Variants in TCF20 observed in about 807,000 individuals in gnomAD.
The protein encoded by TCF20 is SPRE-binding protein.
In TCF20, 3 loss-of-function variants were observed where a neutral mutation model predicts 148.6. The observed-to-expected ratio is 0.02, with a 90% CI of 0.01 to 0.05. The LOEUF is 0.05. Ranked by LOEUF, TCF20 falls within the 10% of genes least tolerant of loss-of-function variation. The pLI, the probability that TCF20 is intolerant of heterozygous loss-of-function variation, is 1.00. For synonymous variants in TCF20, 1,049 were observed against 909.5 expected (o/e 1.15, Z -2.76); for missense variants, 2,350 against 2,429.3 (o/e 0.97, Z 0.69).
Position 42,213,522 on chromosome 22 carries a change from C to T in TCF20, c.1784G>A (p.Gly595Glu), listed in dbSNP as rs1601600752. The change falls in exon 2 of 6, where the codon GGG (glycine) becomes GAG (glutamate). Residue 595 changes from glycine (G) to glutamate (E), a missense_variant. Coordinates refer to ENST00000677622, the MANE Select transcript of TCF20 (RefSeq NM_001378418.1). ...GAKDMPLSSD[G>E]NPKVNEKTVG... The stretch of plus-strand genomic sequence containing the variant: ...AGTCTTCTCATTAACCTTTGGGTTC[C>T]CGTCGGATGACAATGGCATGTCCTT... The T allele has an allele frequency of 1.2e-6, 2 of 1,614,192 alleles. No individual in the cohort carries two copies. Among genetic ancestry groups the T allele is most frequent in the East Asian group, 4.5e-5 (2 of 44,886 alleles).
intron 5 of TCF20, among the ~76,000 whole-genome samples, chr22:42,166,479 A>C (rs968363759): frequency 6.6e-6 from 1 of 152,116 alleles, no homozygotes; most frequent in African/African-American, 2.4e-5. Context: ...GTGGTGGTGC[A>C]CACCTGTAGT....
intron 1 of TCF20, among the ~76,000 whole-genome samples, chr22:42,303,307 G>A (rs911868516): frequency 2.0e-5 from 3 of 152,224 alleles, no homozygotes; most frequent in Non-Finnish European, 4.4e-5. Context: ...CACGCGTACC[G>A]AGGAGCTGAG....
intron 1 of TCF20, among the ~76,000 whole-genome samples, chr22:42,309,297 C>G (rs1042538090): frequency 6.6e-6 from 1 of 152,104 alleles, no homozygotes; most frequent in African/African-American, 2.4e-5. Flanking sequence ...GCCCTGTCAG[C>G]TGGGAGGGGA....
chr22:42,198,739 G>A (rs544534708), intron 2 of TCF20, among the ~76,000 whole-genome samples: 2 of 150,030 alleles, frequency 1.3e-5, no homozygotes, highest in South Asian at 4.2e-4. Context: ...TTGGCTCACT[G>A]CAAGCTCCGC....
chr22:42,308,580 C>T (rs778376402), intron 1 of TCF20, among the ~76,000 whole-genome samples: 15 of 152,136 alleles, frequency 9.9e-5, no homozygotes, highest in Non-Finnish European at 1.8e-4. Flanking sequence ...CTCTGCACAA[C>T]GTCCCCAGGG....
intron 1 of TCF20, among the ~76,000 whole-genome samples, chr22:42,235,808 A>C (rs571251780): frequency 1.2e-4 from 19 of 152,326 alleles, no homozygotes; most frequent in African/African-American, 4.3e-4. Context: ...GTAAGTCTGC[A>C]AACAGCTAAG....
At chr22:42,215,479 TG>T in intron 1 of TCF20, 138 bp from the exon 2 acceptor site, 2 of 1,199,956 alleles carry the variant, frequency 1.7e-6, no homozygotes, top group Non-Finnish European at 2.2e-6. Flanking sequence ...TTTTTTTTTT[TG>T]GTTTTTTGAG....
intron 4 of TCF20, 41 bp downstream of exon 4, chr22:42,169,806 G>C (rs562297743): frequency 3.4e-5 from 55 of 1,609,282 alleles, no homozygotes; most frequent in Non-Finnish European, 4.3e-5. Context: ...AGCCACCCTC[G>C]ATCCCATCCC....
At chr22:42,273,286 G>A (rs1926688557), upstream of TCF20, among the ~76,000 whole-genome samples, 2 of 148,914 alleles carry the variant, frequency 1.3e-5, no homozygotes, top group African/African-American at 5.0e-5. Context: ...CCTGAACCCT[G>A]GAGGCAAAGG....
intron 1 of TCF20, among the ~76,000 whole-genome samples, chr22:42,336,878 G>A (rs1247593873): frequency 1.3e-5 from 2 of 152,086 alleles, no homozygotes; most frequent in Non-Finnish European, 2.9e-5. Flanking sequence ...CCTGGCCAGC[G>A]GTATCCACAT....
chr22:42,200,889 A>C (rs1228660702), intron 2 of TCF20, among the ~76,000 whole-genome samples: 1 of 152,186 alleles, frequency 6.6e-6, no homozygotes, highest in Non-Finnish European at 1.5e-5. Context: ...ATGGTTTTGC[A>C]CTGCCCGTAA....
chr22:42,319,606 G>A (rs1927696071), intron 1 of TCF20, among the ~76,000 whole-genome samples: 1 of 152,200 alleles, frequency 6.6e-6, no homozygotes, highest in African/African-American at 2.4e-5. Context: ...AACGGGCAGG[G>A]TTTTCACTTC....
rs555240267 is a variant in TCF20, at chr22:42,299,190, G to T, written c.-37+44289C>A. ...CCTTTAGAAGGCACGGGAGGATGGG[G>T]GCAAGGGGGCGGTAGGCAGACAGCA... On this transcript the variant is annotated intron_variant, in intron 1 of 1. Transcript: ENST00000515426. The surrounding 1 kb of genome is among the most constrained non-coding windows in gnomAD (Gnocchi z 4.1). Among the ~76,000 whole-genome samples the T allele has an allele frequency of 6.6e-6, 1 of 152,320 alleles. No individual in the cohort carries two copies. Among genetic ancestry groups the T allele is most frequent in the Non-Finnish European group, 1.5e-5 (1 of 68,034 alleles).
chr22:42,335,084 CA>C (rs1928043079), intron 1 of TCF20, among the ~76,000 whole-genome samples: 1 of 152,158 alleles, frequency 6.6e-6, no homozygotes, highest in Non-Finnish European at 1.5e-5. Context: ...TCCACAGAGA[CA>C]TCCGAGACCA....
intron 2 of TCF20, among the ~76,000 whole-genome samples, chr22:42,198,127 T>TTA (rs1937702882): frequency 6.6e-6 from 1 of 152,310 alleles, no homozygotes; most frequent in African/African-American, 2.4e-5. Context: ...ATAAATTACA[T>TTA]TATACTCACG....
At position 42,225,620 on chromosome 22, in the gene TCF20, C is replaced by CAA. The variant is rs57952215; in HGVS notation, c.-36-10281_-36-10280dup. ...TGGGCGACAGAGCGAGACTCCGTCT[C>CAA]AAAAAAAAAAAAAAAAAAAAAATTA... On this transcript the variant is annotated intron_variant, in intron 1 of 5. Transcript: ENST00000677622. 0.019 allele frequency among the ~76,000 whole-genome samples: 1,401 copies of CAA among 74,260 alleles called. 139 individuals carry two copies. The East Asian group carries it at 0.39, about 21-fold the overall frequency. 48.7% of individuals were successfully genotyped at this position (74,260 alleles called of 152,430 possible). A position where few individuals can be genotyped will look rare whatever the true frequency, so the allele number is the denominator to read the frequency against.
At chr22:42,243,131 G>C (rs1924587110) in intron 1 of TCF20, among the ~76,000 whole-genome samples, 3 of 151,586 alleles carry the variant, frequency 2.0e-5, no homozygotes, top group Admixed American at 6.6e-5. Flanking sequence ...GCAGATGTAA[G>C]ACATTATGCA....
intron 1 of TCF20, among the ~76,000 whole-genome samples, chr22:42,231,928 C>CA (rs55642530): frequency 4.6e-4 from 57 of 123,278 alleles, no homozygotes; most frequent in Non-Finnish European, 6.6e-4. Flanking sequence ...GACTCCGTCT[C>CA]AAAAAAAAAA....
chr22:42,319,554 C>T (rs776117504), intron 1 of TCF20, among the ~76,000 whole-genome samples: 53 of 152,208 alleles, frequency 3.5e-4, no homozygotes, highest in Non-Finnish European at 7.8e-4. Context: ...TAAAATAGGA[C>T]ATTATTTGAG....
Sources: gnomAD v4.1 joint callset for allele counts (sites outside exome capture counted in the v4.1 genomes callset) on GRCh38, gnomAD v4.1.1 for gene constraint, Gnocchi (gnomAD v3.1) non-coding constraint, MANE v1.5 for transcripts, NCBI Gene and HGNC (gene_info 2026-07-23, HGNC 2026-07-21) for gene names.